Variants in ARSB observed in about 807,000 individuals in gnomAD.
ARSB encodes N-acetylgalactosamine-4-sulfatase.
In ARSB, 41 loss-of-function variants were observed where a neutral mutation model predicts 50.9. That is an observed-to-expected ratio of 0.81 (90% CI 0.63 to 1.04). The LOEUF is 1.04. Among genes scored for constraint, ARSB ranks in the 50% least tolerant of loss-of-function variants. ARSB has a pLI of 0.00. For missense variants in ARSB, 672 were observed against 693.3 expected (o/e 0.97, Z 0.35); for synonymous variants, 269 against 284.8 (o/e 0.94, Z 0.56).
At chr5:78,960,560 G>A (rs895479573) in intron 3 of ARSB, among the ~76,000 whole-genome samples, 14 of 151,990 alleles carry the variant, frequency 9.2e-5, no homozygotes, top group Non-Finnish European at 7.4e-5. Flanking sequence ...CTGACATGGG[G>A]GTGTTTTTTT....
At chr5:78,798,477 G>T (rs1265472167) in intron 6 of ARSB, among the ~76,000 whole-genome samples, 1 of 151,792 alleles carries the variant, frequency 6.6e-6, no homozygotes. Context: ...TGAGTCTCTG[G>T]CAAGGGATGA....
intron 4 of ARSB, among the ~76,000 whole-genome samples, chr5:78,930,954 G>T (rs910855477): frequency 6.6e-6 from 1 of 152,166 alleles, no homozygotes; most frequent in Non-Finnish European, 1.5e-5. Context: ...GGGGAGGAAG[G>T]CGACTGTAGT....
intron 6 of ARSB, among the ~76,000 whole-genome samples, chr5:78,802,215 T>A (rs1323271568): frequency 6.6e-6 from 1 of 152,174 alleles, no homozygotes; most frequent in Non-Finnish European, 1.5e-5. Flanking sequence ...AGCAGATATT[T>A]TTTGACCTCC....
At chr5:78,898,490 C>A (rs1235187713) in intron 4 of ARSB, among the ~76,000 whole-genome samples, 3 of 152,158 alleles carry the variant, frequency 2.0e-5, no homozygotes, top group African/African-American at 7.2e-5. Context: ...CCACAATGAA[C>A]ACAGGTGTAA....
intron 5 of ARSB, among the ~76,000 whole-genome samples, chr5:78,873,105 T>C (rs373535248): frequency 4.5e-4 from 69 of 152,160 alleles, no homozygotes; most frequent in African/African-American, 1.6e-3. Context: ...AAAACAGTCA[T>C]AAGGCAGAAG....
At chr5:78,831,254 A>G (rs1298795940) in intron 6 of ARSB, among the ~76,000 whole-genome samples, 5 of 152,042 alleles carry the variant, frequency 3.3e-5, no homozygotes, top group Admixed American at 1.3e-4. Context: ...GCTGGTATTG[A>G]ATAAAACCCA....
intron 4 of ARSB, among the ~76,000 whole-genome samples, chr5:78,929,498 G>C (rs1410481577): frequency 3.3e-5 from 5 of 152,062 alleles, no homozygotes; most frequent in Non-Finnish European, 7.4e-5. Context: ...TGTGCTTTAA[G>C]AGAGGAGACT....
chr5:78,866,555 T>G lies in ARSB; in HGVS notation c.1142+19029A>C, dbSNP rs528087928. Among the ~76,000 whole-genome samples, 3 of 152,332 alleles carry G rather than the reference T, an allele frequency of 2.0e-5. No individual in the cohort carries two copies. The East Asian group carries it at 5.8e-4, about 29-fold the overall frequency. On this transcript the variant is annotated intron_variant, in intron 5 of 7. Transcript: ENST00000264914. Reference sequence around the variant, plus strand: ...AAGGGACAAAATGTTGATAGAGGTCTCATACCTGACAGATCAAAGCACTGG... The same window carrying G: ...AAGGGACAAAATGTTGATAGAGGTCGCATACCTGACAGATCAAAGCACTGG...
Position 78,976,624 on chromosome 5 carries a change from A to C in ARSB, c.313-7432T>G, listed in dbSNP as rs529911257. Among the ~76,000 whole-genome samples the C allele has an allele frequency of 5.9e-5, 9 of 152,278 alleles. No individual in the cohort carries two copies. The South Asian group carries it at 1.9e-3, about 32-fold the overall frequency. Reference sequence around the variant, plus strand: ...CGCCCAGCCAAGCTTATTTCTTTTAAAGAAAAAGAGAGAATATGTACAATT... The same window carrying C: ...CGCCCAGCCAAGCTTATTTCTTTTACAGAAAAAGAGAGAATATGTACAATT... On this transcript the variant is annotated intron_variant, in intron 1 of 7. Coordinates refer to ENST00000264914, the MANE Select transcript of ARSB (RefSeq NM_000046.5).
At chr5:78,858,202 C>T (rs1746251220) in intron 5 of ARSB, among the ~76,000 whole-genome samples, 1 of 152,140 alleles carries the variant, frequency 6.6e-6, no homozygotes, top group Admixed American at 6.5e-5. Flanking sequence ...ATTTTTAAGG[C>T]TCCATAAACA....
chr5:78,850,991 T>C lies in ARSB; in HGVS notation c.1143-11565A>G, dbSNP rs182686015. Reference sequence around the variant, plus strand: ...CTTGCTAGCGGTCTATCAATTTTGTTGATCTTTTCAAAAAACCAGCTCCTG... The same window carrying C: ...CTTGCTAGCGGTCTATCAATTTTGTCGATCTTTTCAAAAAACCAGCTCCTG... On this transcript the variant is annotated intron_variant, in intron 5 of 7. Transcript: ENST00000264914. Among the ~76,000 whole-genome samples, 174 of 152,338 alleles carry C rather than the reference T, an allele frequency of 1.1e-3. 1 individual carries two copies. Among genetic ancestry groups the C allele is most frequent in the African/African-American group, 3.9e-3 (163 of 41,590 alleles).
intron 6 of ARSB, among the ~76,000 whole-genome samples, chr5:78,789,025 G>A (rs942373679): frequency 6.6e-6 from 1 of 152,186 alleles, no homozygotes; most frequent in African/African-American, 2.4e-5. Context: ...AAAGGGAAGG[G>A]ACTGAGGGGA....
At chr5:78,945,165 G>A in intron 4 of ARSB, among the ~76,000 whole-genome samples, 1 of 152,156 alleles carries the variant, frequency 6.6e-6, no homozygotes, top group East Asian at 1.9e-4. Context: ...GATTTTCCAG[G>A]TGCCGTCTGT....
intron 6 of ARSB, among the ~76,000 whole-genome samples, chr5:78,826,024 A>C (rs1744417990): frequency 6.6e-6 from 1 of 151,898 alleles, no homozygotes; most frequent in Admixed American, 6.6e-5. Flanking sequence ...AGGTTAAAAA[A>C]GTTAACCCCA....
intron 6 of ARSB, among the ~76,000 whole-genome samples, chr5:78,824,151 T>C (rs931037514): frequency 2.0e-5 from 3 of 152,204 alleles, no homozygotes; most frequent in African/African-American, 7.2e-5. Flanking sequence ...CATCATAAGC[T>C]GAGCAGATGC....
intron 6 of ARSB, among the ~76,000 whole-genome samples, chr5:78,835,782 A>G (rs1202576466): frequency 6.6e-6 from 1 of 152,126 alleles, no homozygotes; most frequent in African/African-American, 2.4e-5. Context: ...AGCCAGAGGG[A>G]CCTTGGAGAT....
At chr5:78,843,327 G>C (rs1218060559) in intron 5 of ARSB, among the ~76,000 whole-genome samples, 1 of 152,138 alleles carries the variant, frequency 6.6e-6, no homozygotes, top group Non-Finnish European at 1.5e-5. Flanking sequence ...GAAGCCTCCC[G>C]GAGTCCTTCC....
intron 6 of ARSB, among the ~76,000 whole-genome samples, chr5:78,798,411 T>C (rs952487519): frequency 1.4e-5 from 2 of 146,154 alleles, no homozygotes; most frequent in African/African-American, 5.0e-5. Flanking sequence ...AAAGGGAAAC[T>C]AAACCCAAAA....
chr5:78,792,355 G>A (rs111921679), intron 6 of ARSB, among the ~76,000 whole-genome samples: 5,261 of 150,372 alleles, frequency 0.035, 231 homozygotes, highest in Admixed American at 0.12. Flanking sequence ...CTCCAGCCTG[G>A]ACGACAGAGT....
Sources: gnomAD v4.1 joint callset for allele counts (sites outside exome capture counted in the v4.1 genomes callset) on GRCh38, gnomAD v4.1.1 for gene constraint, MANE v1.5 for transcripts, NCBI Gene and HGNC (gene_info 2026-07-23, HGNC 2026-07-21) for gene names.